The following AFF2 variants were observed in gnomAD, a reference collection of about 807,000 sequenced individuals.
AFF2 encodes the protein ALF transcription elongation factor 2.
A neutral mutation model predicts 76.9 loss-of-function variants in AFF2; 14 were observed. That is an observed-to-expected ratio of 0.18 (90% CI 0.12 to 0.28). The LOEUF is 0.28. Ranked by LOEUF, AFF2 falls within the 10% of genes least tolerant of loss-of-function variation. The pLI is 1.00. For synonymous variants in AFF2, 398 were observed against 366.7 expected (o/e 1.09, Z -0.98); for missense variants, 868 against 1,001.1 (o/e 0.87, Z 1.79).
intron 5 of AFF2, 35 bp from the exon 6 acceptor site, chrX:148,842,931 A>G: frequency 8.9e-7 from 1 of 1,120,355 alleles, no homozygotes; most frequent in Non-Finnish European, 1.2e-6. Context: ...GTGTCATTTA[A>G]CTAATGTTTG....
Position 148,956,317 on chromosome X carries a change from A to T in AFF2, c.2272A>T (p.Thr758Ser), listed in dbSNP as rs782361198. ...EICGASLTLS[T>S]LMSSSGSNNN... The stretch of plus-strand genomic sequence containing the variant: ...CTGTGGTGCCAGCCTGACCCTCAGC[A>T]CCTTAATGAGTAGCAGTGGCAGCAA... Residue 758 changes from threonine (T) to serine (S), a missense_variant, in exon 11 of 21, where the codon ACC (threonine) becomes TCC (serine). By Grantham distance (58) the Thr-to-Ser change is moderately conservative. Coordinates refer to ENST00000370460, the MANE Select transcript of AFF2 (RefSeq NM_002025.4). The T allele has an allele frequency of 4.1e-6, 5 of 1,211,909 alleles. No individual in the cohort carries two copies. The highest frequency in any genetic ancestry group is 5.6e-6 in the Non-Finnish European group (5 of 895,574).
At chrX:148,907,605 G>A (rs1384230189) in intron 9 of AFF2, among the ~76,000 whole-genome samples, 2 of 111,466 alleles carry the variant, frequency 1.8e-5, no homozygotes, top group Non-Finnish European at 3.8e-5. Flanking sequence ...TTTTCAAAAG[G>A]GGAGGGAGTG....
At chrX:148,827,134 T>C (rs2070397899) in intron 4 of AFF2, among the ~76,000 whole-genome samples, 1 of 111,233 alleles carries the variant, frequency 9.0e-6, no homozygotes, top group African/African-American at 3.3e-5. Flanking sequence ...ATGCAAATCA[T>C]ATTGGATGGA....
intron 9 of AFF2, among the ~76,000 whole-genome samples, chrX:148,950,987 T>C (rs1157750516): frequency 2.7e-5 from 3 of 111,991 alleles, no homozygotes; most frequent in African/African-American, 9.7e-5. Flanking sequence ...TTACTGTGAA[T>C]GTTACTGCAA....
Position 148,581,398 on chromosome X carries a change from A to ATACGTGTACACACATATACGTATACGTC in AFF2, c.48-70582_48-70555dup, listed in dbSNP as rs1557244865. 8.8e-4 allele frequency among the ~76,000 whole-genome samples: 66 copies of ATACGTGTACACACATATACGTATACGTC among 74,622 alleles called. 15 individuals are homozygous for ATACGTGTACACACATATACGTATACGTC. The highest frequency in any genetic ancestry group is 2.9e-3 in the African/African-American group (57 of 19,677). The allele number at this position is 74,622 out of a possible 115,157, so 64.8% of individuals were successfully genotyped here. The stretch of plus-strand genomic sequence containing the variant: ...TACACACATATACACGTATATACGT[A>ATACGTGTACACACATATACGTATACGTC]TACGTGTACACACATATACGTATAC... On this transcript the variant is annotated intron_variant, in intron 1 of 20. Transcript: ENST00000370460.
At chrX:148,884,617 C>T (rs1363748534) in intron 7 of AFF2, among the ~76,000 whole-genome samples, 1 of 112,342 alleles carries the variant, frequency 8.9e-6, no homozygotes, top group Non-Finnish European at 1.9e-5. Context: ...TCTTTCCTTC[C>T]TTGTCTGCAA....
chrX:148,732,317 C>T (rs782154651), intron 3 of AFF2, among the ~76,000 whole-genome samples: 3,485 of 98,158 alleles, frequency 0.036, 102 homozygotes, highest in African/African-American at 0.072. Context: ...AGTAAACTAT[C>T]GCAAGAACAA....
chrX:148,763,470 A>AT (rs1164034107), intron 3 of AFF2, among the ~76,000 whole-genome samples: 1,956 of 102,607 alleles, frequency 0.019, 44 homozygotes, highest in Admixed American at 0.094. Flanking sequence ...CTTCCACCTG[A>AT]TTTTTTTTTT....
At chrX:148,853,224 GT>G (rs2124010829) in intron 7 of AFF2, among the ~76,000 whole-genome samples, 1 of 111,391 alleles carries the variant, frequency 9.0e-6, no homozygotes, top group South Asian at 3.7e-4. Flanking sequence ...TACACATATT[GT>G]TATATAACAC....
intron 3 of AFF2, among the ~76,000 whole-genome samples, chrX:148,679,826 C>T (rs2054528270): frequency 8.9e-6 from 1 of 111,958 alleles, no homozygotes; most frequent in Non-Finnish European, 1.9e-5. Context: ...TTCTTATTCT[C>T]TTTCTTCTGA....
At chrX:148,709,367 C>T (rs1481862151) in intron 3 of AFF2, among the ~76,000 whole-genome samples, 3 of 111,384 alleles carry the variant, frequency 2.7e-5, no homozygotes, top group Non-Finnish European at 1.9e-5. Flanking sequence ...ACATCCTTGG[C>T]ACCTGGAACA....
intron 3 of AFF2, among the ~76,000 whole-genome samples, chrX:148,788,482 G>A (rs2069851250): frequency 8.9e-6 from 1 of 111,990 alleles, no homozygotes; most frequent in South Asian, 3.7e-4. Context: ...TGGGGCCTAA[G>A]CCAACATTAT....
chrX:148,902,501 C>T (rs190139153), intron 8 of AFF2, among the ~76,000 whole-genome samples: 1 of 111,871 alleles, frequency 8.9e-6, no homozygotes, highest in Admixed American at 9.4e-5. Flanking sequence ...TGTGAGTGTG[C>T]ATGTATGTAC....
At chrX:148,797,443 C>T (rs2069999722) in intron 3 of AFF2, among the ~76,000 whole-genome samples, 1 of 112,156 alleles carries the variant, frequency 8.9e-6, no homozygotes, top group African/African-American at 3.2e-5. Context: ...GTCCACCATA[C>T]TCAGAGGAAC....
At chrX:148,760,731 T>A (rs2069429594) in intron 3 of AFF2, among the ~76,000 whole-genome samples, 1 of 112,379 alleles carries the variant, frequency 8.9e-6, no homozygotes, top group African/African-American at 3.2e-5. Flanking sequence ...AGAGTTTGTA[T>A]TGTTCATCTA....
chrX:148,610,442 C>G (rs1557249346), intron 1 of AFF2, among the ~76,000 whole-genome samples: 5 of 111,427 alleles, frequency 4.5e-5, no homozygotes, highest in Non-Finnish European at 1.9e-5. Context: ...CGATAAAAAC[C>G]AAAGTGAAGC....
At chrX:148,856,641 T>A in intron 7 of AFF2, among the ~76,000 whole-genome samples, 1 of 111,775 alleles carries the variant, frequency 8.9e-6, no homozygotes, top group Non-Finnish European at 1.9e-5. Context: ...TGGCCAGAGA[T>A]ATTCTCTGCT....
chrX:148,586,281 T>C (rs987848452), intron 1 of AFF2, among the ~76,000 whole-genome samples: 3 of 111,803 alleles, frequency 2.7e-5, no homozygotes, highest in Non-Finnish European at 5.6e-5. Flanking sequence ...AAGATGTGAA[T>C]ATGGAAGTGG....
chrX:148,928,738 G>A (rs1557284073), intron 9 of AFF2, among the ~76,000 whole-genome samples: 2 of 112,265 alleles, frequency 1.8e-5, no homozygotes, highest in East Asian at 5.6e-4. Flanking sequence ...AGGCTCTGCA[G>A]ACCCAGCTAG....
Sources: gnomAD v4.1 joint callset for allele counts (sites outside exome capture counted in the v4.1 genomes callset) on GRCh38, gnomAD v4.1.1 for gene constraint, MANE v1.5 for transcripts, NCBI Gene and HGNC (gene_info 2026-07-23, HGNC 2026-07-21) for gene names.